The following PPARD variants were observed in gnomAD, a reference collection of about 807,000 sequenced individuals.
The protein encoded by PPARD is peroxisome proliferator activated receptor delta, also known as peroxisome proliferator-activated receptor delta.
A neutral mutation model predicts 39.5 loss-of-function variants in PPARD; 6 were observed. The ratio of observed to expected loss-of-function variants is 0.15; its 90% confidence interval spans 0.08 to 0.30. The LOEUF (loss-of-function observed/expected upper bound fraction) is 0.30, where lower values mean the gene tolerates loss of function less well. Ranked by LOEUF, PPARD falls within the 10% of genes least tolerant of loss-of-function variation. The pLI is 1.00. For missense variants in PPARD, 397 were observed against 596.8 expected, an observed-to-expected ratio of 0.67 and a Z score of 3.49; for synonymous variants, 210 against 231.3, an observed-to-expected ratio of 0.91 and a Z score of 0.83.
At chr6:35,402,437 G>T (rs536476892) in intron 2 of PPARD, among the ~76,000 whole-genome samples, 1 of 152,174 alleles carries the variant, frequency 6.6e-6, no homozygotes, top group Admixed American at 6.5e-5. Context: ...GTGGGTGGGT[G>T]GGCACACCCA....
At chr6:35,355,823 G>T (rs1350992549) in intron 2 of PPARD, among the ~76,000 whole-genome samples, 1 of 151,630 alleles carries the variant, frequency 6.6e-6, no homozygotes, top group Non-Finnish European at 1.5e-5. Flanking sequence ...GTGTTAGCCA[G>T]GATGGTCTCG....
Position 35,424,994 on chromosome 6 carries a change from C to T in PPARD, c.1078+215C>T, listed in dbSNP as rs1438703738. On this transcript the variant is annotated intron_variant, in intron 7 of 7. Coordinates refer to ENST00000360694, the MANE Select transcript of PPARD (RefSeq NM_006238.5). This position sits in a 1 kb window ranked among gnomAD's most constrained non-coding sequence, Gnocchi z 7.1. Reference sequence around the variant, plus strand: ...GGTGGAGACAGGAAAAAGACTAAGCCAGACGTGGTGGCTCACACCTGTAAT... The same window carrying T: ...GGTGGAGACAGGAAAAAGACTAAGCTAGACGTGGTGGCTCACACCTGTAAT... 2 of 1,406,978 alleles carry T rather than the reference C, an allele frequency of 1.4e-6. No homozygotes were observed. Among genetic ancestry groups the T allele is most frequent in the African/African-American group, 2.9e-5 (2 of 69,202 alleles). The allele number at this position is 1,406,978 out of a possible 1,614,324, so 87.2% of individuals were successfully genotyped here.
In PPARD at chr6:35,347,766, G is replaced by C. The variant is rs556998606; in HGVS notation, c.-102+616G>C. On this transcript the variant is annotated intron_variant, in intron 2 of 7. Transcript: ENST00000360694. ...TGGGATTATAGGCACCTGCCACCAC[G>C]CCCGGCTAATTTTTGTATTTTTAGT... Among the ~76,000 whole-genome samples, 25 of 151,150 alleles carry C rather than the reference G, an allele frequency of 1.7e-4. No individual in the cohort carries two copies. In the South Asian group the frequency reaches 5.0e-3, roughly 30 times the overall value.
intron 2 of PPARD, among the ~76,000 whole-genome samples, chr6:35,375,209 GTTTT>G (rs558275286): frequency 1.7e-5 from 1 of 59,232 alleles, no homozygotes; most frequent in Non-Finnish European, 3.0e-5. Flanking sequence ...CTCCTTCCGA[GTTTT>G]TTTTTTTTTT....
intron 2 of PPARD, among the ~76,000 whole-genome samples, chr6:35,349,882 C>T (rs1761134137): frequency 6.6e-6 from 1 of 152,038 alleles, no homozygotes; most frequent in African/African-American, 2.4e-5. Context: ...GCTCAGATTA[C>T]AGGCGCCCGC....
In PPARD at chr6:35,396,605, C is replaced by T. The variant is rs545315950; in HGVS notation, c.-101-14382C>T. Among the ~76,000 whole-genome samples the T allele has an allele frequency of 1.6e-4, 24 of 148,744 alleles. No individual in the cohort carries two copies. The South Asian group carries it at 4.9e-3, about 31-fold the overall frequency. On this transcript the variant is annotated intron_variant, in intron 2 of 7. Coordinates refer to ENST00000360694, the MANE Select transcript of PPARD (RefSeq NM_006238.5). ...CAGCACTTTGGGAGGCCGAGGCGGG[C>T]AGATCATGAGGTCAGGAGACAGAGA...
In PPARD at chr6:35,412,731, G is replaced by A. The variant is rs1765510703; in HGVS notation, c.130+1514G>A. Among the ~76,000 whole-genome samples the A allele has an allele frequency of 6.6e-6, 1 of 152,130 alleles. No homozygotes were observed. Among genetic ancestry groups the A allele is most frequent in the South Asian group, 2.1e-4 (1 of 4,826 alleles). Reference sequence around the variant, plus strand: ...GGATCACCTGGGAGTGACCAAAGTAGGCCAAATGTGATTCTAGGGCCAAAG... The same window carrying A: ...GGATCACCTGGGAGTGACCAAAGTAAGCCAAATGTGATTCTAGGGCCAAAG... On this transcript the variant is annotated intron_variant, in intron 3 of 7. Coordinates refer to ENST00000360694, the MANE Select transcript of PPARD (RefSeq NM_006238.5). This position sits in a 1 kb window ranked among gnomAD's most constrained non-coding sequence, Gnocchi z 4.1.
chr6:35,407,550 G>A (rs376684321), intron 2 of PPARD, among the ~76,000 whole-genome samples: 60 of 151,930 alleles, frequency 3.9e-4, no homozygotes, highest in Non-Finnish European at 7.1e-4. Context: ...TTGGATAATG[G>A]CACCTAATGC....
At chr6:35,394,027 T>C (rs1183703229) in intron 2 of PPARD, among the ~76,000 whole-genome samples, 1 of 152,246 alleles carries the variant, frequency 6.6e-6, no homozygotes. Context: ...TACTCCACTT[T>C]ATTACAAAAG....
At chr6:35,422,918 T>G (rs1052090977) in intron 5 of PPARD, among the ~76,000 whole-genome samples, 1 of 152,000 alleles carries the variant, frequency 6.6e-6, no homozygotes, top group East Asian at 1.9e-4. Flanking sequence ...CTCATTTTTC[T>G]GATTAAAAAA....
At chr6:35,362,952 C>T (rs1762004927) in intron 2 of PPARD, among the ~76,000 whole-genome samples, 3 of 152,228 alleles carry the variant, frequency 2.0e-5, no homozygotes, top group Admixed American at 2.0e-4. Flanking sequence ...TATCTGGCTA[C>T]TGTGCTCTAC....
chr6:35,399,718 C>T (rs1764575618), intron 2 of PPARD, among the ~76,000 whole-genome samples: 2 of 152,284 alleles, frequency 1.3e-5, no homozygotes, highest in South Asian at 4.1e-4. Context: ...AAAAAAATCA[C>T]CTACCACCCT....
In PPARD at chr6:35,366,090, G is replaced by A. The variant is rs1280750660; in HGVS notation, c.-102+18940G>A. Among the ~76,000 whole-genome samples, 2 of 151,828 alleles carry A rather than the reference G, an allele frequency of 1.3e-5. No individual in the cohort carries two copies. Among genetic ancestry groups the A allele is most frequent in the Non-Finnish European group, 2.9e-5 (2 of 68,050 alleles). On this transcript the variant is annotated intron_variant, in intron 2 of 7. Coordinates refer to ENST00000360694, the MANE Select transcript of PPARD (RefSeq NM_006238.5). This position sits in a 1 kb window ranked among gnomAD's most constrained non-coding sequence, Gnocchi z 4.6. Reference sequence around the variant, plus strand: ...ACTGAAGAAAAGAACAACAGCTCAGGTGTGACAGGGGAAATGAAGAGTATT... The same window carrying A: ...ACTGAAGAAAAGAACAACAGCTCAGATGTGACAGGGGAAATGAAGAGTATT...
At chr6:35,376,743 G>A (rs926315178) in intron 2 of PPARD, among the ~76,000 whole-genome samples, 18 of 149,330 alleles carry the variant, frequency 1.2e-4, no homozygotes, top group African/African-American at 3.7e-4. Context: ...ACCTCCCGCC[G>A]GGCATGGTGG....
chr6:35,426,331 C>A lies in PPARD; in HGVS notation c.*252C>A. On this transcript the variant is annotated 3_prime_UTR_variant, in exon 8 of 8. Transcript: ENST00000360694. Reference sequence around the variant, plus strand: ...CCTCTTTCTTTTCTAATTCCTGTTGCTCTGTTTCTTCCTTTCTGTAGGTTT... The same window carrying A: ...CCTCTTTCTTTTCTAATTCCTGTTGATCTGTTTCTTCCTTTCTGTAGGTTT... The A allele has an allele frequency of 1.8e-6, 1 of 563,196 alleles. No individual in the cohort carries two copies. The highest frequency in any genetic ancestry group is 3.1e-6 in the Non-Finnish European group (1 of 317,984). The allele number at this position is 563,196 out of a possible 1,614,324, so 34.9% of individuals were successfully genotyped here.
intron 1 of PPARD, 21 bp downstream of exon 1, chr6:35,342,702 G>C (rs1791907968): frequency 1.3e-5 from 2 of 152,522 alleles, no homozygotes; most frequent in Admixed American, 1.3e-4. Flanking sequence ...GACGAGAGAA[G>C]CGGTCAGGCA....
intron 2 of PPARD, among the ~76,000 whole-genome samples, chr6:35,383,875 GC>G (rs1763334136): frequency 6.8e-6 from 1 of 146,204 alleles, no homozygotes; most frequent in African/African-American, 2.7e-5. Context: ...CCGCCCGGCA[GC>G]CACCCCGTCT....
intron 2 of PPARD, among the ~76,000 whole-genome samples, chr6:35,368,785 G>A (rs1762336639): frequency 6.6e-6 from 1 of 152,186 alleles, no homozygotes; most frequent in Non-Finnish European, 1.5e-5. Context: ...TGTTTTGCAT[G>A]CTTTGATAGT....
intron 2 of PPARD, among the ~76,000 whole-genome samples, chr6:35,377,248 T>G (rs949812470): frequency 6.6e-6 from 1 of 152,206 alleles, no homozygotes; most frequent in Non-Finnish European, 1.5e-5. Context: ...TCAATTCTTC[T>G]CGCACATAGG....
Sources: allele counts gnomAD v4.1 joint callset (sites outside exome capture counted in the v4.1 genomes callset), GRCh38; gene constraint gnomAD v4.1.1; non-coding constraint Gnocchi (gnomAD v3.1); transcripts MANE v1.5; gene names NCBI Gene and HGNC (gene_info 2026-07-23, HGNC 2026-07-21).